The following UNC80 variants were observed in gnomAD, a reference collection of about 807,000 sequenced individuals.
The protein encoded by UNC80 is unc-80 subunit of NALCN channel complex.
Under a neutral mutation model 384.6 loss-of-function variants are expected in UNC80, and 164 were observed. The observed-to-expected ratio is 0.43, with a 90% CI of 0.38 to 0.49. UNC80 has a LOEUF of 0.49. Among genes scored for constraint, UNC80 ranks in the 20% least tolerant of loss-of-function variants. The pLI is 0.00. For missense variants in UNC80, 3,330 were observed against 4,143.0 expected (o/e 0.80, Z 5.39); for synonymous variants, 1,486 against 1,527.8 (o/e 0.97, Z 0.64).
chr2:209,942,830 A>G (rs1052414810), intron 44 of UNC80, among the ~76,000 whole-genome samples: 3 of 149,364 alleles, frequency 2.0e-5, no homozygotes, highest in African/African-American at 5.0e-5. Context: ...CATTGTTTAT[A>G]CTTACAAATC....
rs143132187 is a variant in UNC80 at position 209,825,709 on chromosome 2, T to G, written c.2332-198T>G. On this transcript the variant is annotated intron_variant, in intron 13 of 64. Transcript: ENST00000673920. ...ACAGAGGGTGTTCAAAATACGTAGA[T>G]TTTTTTCTTTTAAATCATAGACTAA... Among the ~76,000 whole-genome samples, 1,487 of 152,270 alleles carry G rather than the reference T, an allele frequency of 9.8e-3. 27 individuals carry two copies. The highest frequency in any genetic ancestry group is 0.032 in the African/African-American group (1,334 of 41,540).
At chr2:209,860,630 A>G (rs557994016) in intron 22 of UNC80, among the ~76,000 whole-genome samples, 3 of 152,338 alleles carry the variant, frequency 2.0e-5, no homozygotes, top group African/African-American at 7.2e-5. Flanking sequence ...TCTATAAATT[A>G]CTTTGGGCAG....
rs138553347 is a variant in UNC80, at chr2:209,801,623, C to G, written c.938+7764C>G. On this transcript the variant is annotated intron_variant, in intron 7 of 64. Transcript: ENST00000673920. The stretch of plus-strand genomic sequence containing the variant: ...GTCTTGAACTCCAGACCTTGTGATC[C>G]ACCCACCTCGGCCTCCCAAAGTGCT... Among the ~76,000 whole-genome samples, 1,499 of 150,866 alleles carry G rather than the reference C, an allele frequency of 9.9e-3. 23 individuals carry two copies. The highest frequency in any genetic ancestry group is 0.033 in the African/African-American group (1,364 of 41,008).
rs1363493968 is a variant in UNC80, at chr2:209,943,386, T to C, written c.6922T>C (p.Ser2308Pro). Residue 2308 changes from serine to proline, a missense_variant, in exon 45 of 65, where the codon TCC (serine) becomes CCC (proline). Physicochemically the swap from Ser to Pro is moderately conservative, Grantham distance 74. This residue lies in a region of UNC80 where 1,049 missense variants were observed against 1,488.6 expected (regional missense o/e 0.70). Coordinates refer to ENST00000673920, the MANE Select transcript of UNC80 (RefSeq NM_001371986.1). The stretch of plus-strand genomic sequence containing the variant: ...ATCTGGCATTTTTCCATAGGTGTAC[T>C]CCGACTATGAAAGCAATCCCCAGCT... Reference protein sequence around the residue: ...WILPTMLQVYSDYESNPQLRQ... With the variant: ...WILPTMLQVYPDYESNPQLRQ... 3 of 1,552,202 alleles carry C rather than the reference T, an allele frequency of 1.9e-6. No homozygotes were observed. Among genetic ancestry groups the C allele is most frequent in the Non-Finnish European group, 1.7e-6 (2 of 1,147,050 alleles).
intron 61 of UNC80, among the ~76,000 whole-genome samples, chr2:209,988,984 G>C (rs2093342792): frequency 1.3e-5 from 2 of 151,958 alleles, no homozygotes; most frequent in Admixed American, 1.3e-4. Flanking sequence ...CAAAACTATG[G>C]AAATCAGTCA....
intron 9 of UNC80, 137 bp from the exon 10 acceptor site, chr2:209,816,772 T>G: frequency 1.2e-5 from 9 of 726,428 alleles, no homozygotes; most frequent in Non-Finnish European, 2.0e-5. Flanking sequence ...TTTTATTGGA[T>G]GATATTCAGT....
In UNC80 at chr2:209,872,859, C is replaced by G. The variant is rs528950364; in HGVS notation, c.3729C>G (p.His1243Gln). Residue 1243 changes from histidine to glutamine, a missense_variant, in exon 23 of 65, where the codon CAC (histidine) becomes CAG (glutamine). This residue lies in a region of UNC80 where 801 missense variants were observed against 950.8 expected (regional missense o/e 0.84). Transcript: ENST00000673920. The surrounding 1 kb of genome is among the most constrained non-coding windows in gnomAD (Gnocchi z 4.1). The stretch of plus-strand genomic sequence containing the variant: ...GGCCAGAGTGGATGAAAGGGCACCA[C>G]GTGAACATCACCAAGAAAGGACTTT... ...GNWPEWMKGH[H>Q]VNITKKGLSR... is the part of the protein sequence containing the mutation. 4 of 1,551,396 alleles carry G rather than the reference C, an allele frequency of 2.6e-6. No homozygotes were observed. The highest frequency in any genetic ancestry group is 2.4e-5 in the South Asian group (2 of 84,042).
intron 1 of UNC80, among the ~76,000 whole-genome samples, chr2:209,772,726 T>C (rs2076647503): frequency 6.6e-6 from 1 of 152,222 alleles, no homozygotes. Flanking sequence ...TTTAGAGATT[T>C]ATCAGATAAG....
chr2:209,921,458 G>A, intron 33 of UNC80, 42 bp from the exon 34 acceptor site: 1 of 1,514,210 alleles, frequency 6.6e-7, no homozygotes, highest in South Asian at 1.3e-5. Context: ...TGACCTTGCA[G>A]AAGAATTGCT....
In UNC80 at chr2:209,894,157, A is replaced by G; in HGVS notation, c.4277-6A>G. The G allele has an allele frequency of 1.0e-6, 1 of 985,370 alleles. No homozygotes were observed. Among genetic ancestry groups the G allele is most frequent in the Non-Finnish European group, 1.2e-6 (1 of 829,906 alleles). 61.0% of individuals were successfully genotyped at this position (985,370 alleles called of 1,614,324 possible). A position where few individuals can be genotyped will look rare whatever the true frequency, so the allele number is the denominator to read the frequency against. On this transcript the variant is annotated splice_polypyrimidine_tract_variant and splice_region_variant and intron_variant, in intron 26 of 64. Transcript: ENST00000673920. Reference sequence around the variant, plus strand: ...GAAAAAGCCCTATTTTATTCTTTTAATACAGTTCCCAGCAGGAAGATCAGG... The same window carrying G: ...GAAAAAGCCCTATTTTATTCTTTTAGTACAGTTCCCAGCAGGAAGATCAGG...
intron 3 of UNC80, among the ~76,000 whole-genome samples, chr2:209,776,802 GA>G (rs1286207812): frequency 6.6e-6 from 1 of 152,218 alleles, no homozygotes; most frequent in East Asian, 1.9e-4. Context: ...CTATTTTTTA[GA>G]ATATTTTACA....
intron 23 of UNC80, among the ~76,000 whole-genome samples, chr2:209,873,460 G>A (rs996536431): frequency 6.6e-6 from 1 of 152,110 alleles, no homozygotes; most frequent in South Asian, 2.1e-4. Flanking sequence ...TAAGTTGCCT[G>A]AAAGCCTTTG....
At chr2:209,854,321 T>C (rs549660631) in intron 22 of UNC80, among the ~76,000 whole-genome samples, 2 of 145,648 alleles carry the variant, frequency 1.4e-5, no homozygotes, top group South Asian at 4.5e-4. Context: ...AACTATGAAA[T>C]GTAGCATAAA....
chr2:209,817,762 T>C (rs1410107861), intron 10 of UNC80, 50 bp from the exon 11 acceptor site: 1 of 1,547,624 alleles, frequency 6.5e-7, no homozygotes, highest in Non-Finnish European at 8.7e-7. Context: ...CTTGGCAGAA[T>C]AACTTTCAGA....
intron 7 of UNC80, chr2:209,808,747 G>T: frequency 2.4e-5 from 1 of 42,378 alleles, no homozygotes; most frequent in Non-Finnish European, 3.9e-5. Context: ...TCGGCCTAGT[G>T]AGTGGGTCGC....
intron 2 of UNC80, among the ~76,000 whole-genome samples, chr2:209,775,300 C>T (rs1437144148): frequency 6.6e-6 from 1 of 151,694 alleles, no homozygotes; most frequent in Non-Finnish European, 1.5e-5. Flanking sequence ...TTCCTGCTCT[C>T]CCTTCCTTTC....
intron 43 of UNC80, among the ~76,000 whole-genome samples, chr2:209,939,973 C>T (rs997725034): frequency 5.3e-5 from 8 of 152,086 alleles, no homozygotes; most frequent in South Asian, 2.1e-4. Flanking sequence ...ACACAGATTG[C>T]GGGGCCCCAC....
intron 6 of UNC80, 113 bp downstream of exon 6, chr2:209,789,718 C>A (rs1574452941): frequency 1.4e-6 from 1 of 697,092 alleles, no homozygotes. Context: ...AGCCACTCCT[C>A]CTTTCTGAAT....
At chr2:209,941,632 C>T in intron 44 of UNC80, 143 bp downstream of exon 44, 1 of 1,033,176 alleles carries the variant, frequency 9.7e-7, no homozygotes, top group African/African-American at 1.6e-5. Context: ...AATGAAATCC[C>T]CCCATAAATT....
Sources: gnomAD v4.1 joint callset for allele counts (sites outside exome capture counted in the v4.1 genomes callset) on GRCh38, gnomAD v4.1.1 for gene constraint, gnomAD v4.1.1 regional missense constraint, Gnocchi (gnomAD v3.1) non-coding constraint, MANE v1.5 for transcripts, NCBI Gene and HGNC (gene_info 2026-07-23, HGNC 2026-07-21) for gene names.